The following GPC6 variants were observed in gnomAD, a reference collection of about 807,000 sequenced individuals.
GPC6 encodes the protein glypican 6.
Under a neutral mutation model 55.2 loss-of-function variants are expected in GPC6, and 14 were observed. The observed-to-expected ratio is 0.25, with a 90% CI of 0.17 to 0.40. The LOEUF (loss-of-function observed/expected upper bound fraction) is 0.40, where lower values mean the gene tolerates loss of function less well. GPC6 is among the 10% of genes least tolerant of loss of function. The pLI is 1.00. For synonymous variants in GPC6, 278 were observed against 259.6 expected (o/e 1.07, Z -0.68); for missense variants, 641 against 708.5 (o/e 0.90, Z 1.08).
chr13:94,150,815 T>TATATATATATATATATATATAC (rs1887712203), intron 4 of GPC6, among the ~76,000 whole-genome samples: 1 of 101,926 alleles, frequency 9.8e-6, no homozygotes, highest in East Asian at 3.0e-4. Flanking sequence ...AGATCAGCAG[T>TATATATATATATATATATATAC]ATATATATAT....
Position 93,972,746 on chromosome 13 carries a change from A to G in GPC6, c.712-54983A>G, listed in dbSNP as rs1880338080. On this transcript the variant is annotated intron_variant, in intron 3 of 8. Transcript: ENST00000377047. ...TGGAAATCTTGTGATGAGCCAAGAA[A>G]GGATAATAGGCCCCTTCACCCCAAT... 2.0e-5 allele frequency among the ~76,000 whole-genome samples: 3 copies of G among 152,214 alleles called. No individual in the cohort carries two copies. The South Asian group carries it at 6.2e-4, about 32-fold the overall frequency.
chr13:93,426,959 G>A (rs987135270), intron 1 of GPC6, among the ~76,000 whole-genome samples: 2 of 149,642 alleles, frequency 1.3e-5, no homozygotes, highest in African/African-American at 5.0e-5. Context: ...ATCTCATTGT[G>A]GTTTTGATTT....
At chr13:93,686,348 TTAAAA>T (rs1269161440) in intron 2 of GPC6, among the ~76,000 whole-genome samples, 1 of 152,140 alleles carries the variant, frequency 6.6e-6, no homozygotes, top group African/African-American at 2.4e-5. Flanking sequence ...ATTTTAAATG[TTAAAA>T]TAAATGTGTA....
intron 3 of GPC6, among the ~76,000 whole-genome samples, chr13:93,867,601 T>C (rs1397292766): frequency 1.3e-5 from 2 of 151,782 alleles, no homozygotes; most frequent in Non-Finnish European, 2.9e-5. Flanking sequence ...CGGAAACCCT[T>C]GTCAACATGC....
At chr13:94,214,759 T>C (rs1236560567) in intron 4 of GPC6, among the ~76,000 whole-genome samples, 2 of 152,196 alleles carry the variant, frequency 1.3e-5, no homozygotes, top group Non-Finnish European at 2.9e-5. Context: ...AGGGCATCAG[T>C]GTGTGAGAAT....
intron 4 of GPC6, among the ~76,000 whole-genome samples, chr13:94,285,443 T>C (rs1385054129): frequency 1.3e-5 from 2 of 152,206 alleles, no homozygotes; most frequent in Non-Finnish European, 2.9e-5. Context: ...CCTCACTTTA[T>C]GGTACAAATC....
Position 93,930,275 on chromosome 13 carries a change from G to GTTTTTTTTTTTTTTTTTTTTTTTTT in GPC6, c.712-97441_712-97440insTTTTTTTTTTTTTTTTTTTTTTTTT, listed in dbSNP as rs35858695. ...TTTTAAAGGTTATTGGAAACGAAAGGTTTTTTTTTTTTTGTAGACAGAGTC... is the reference window on the plus strand; with the variant it reads ...TTTTAAAGGTTATTGGAAACGAAAGGTTTTTTTTTTTTTTTTTTTTTTTTTTTTTTTTTTTTTTGTAGACAGAGTC... On this transcript the variant is annotated intron_variant, in intron 3 of 8. Coordinates refer to ENST00000377047, the MANE Select transcript of GPC6 (RefSeq NM_005708.5). Among the ~76,000 whole-genome samples the GTTTTTTTTTTTTTTTTTTTTTTTTT allele has an allele frequency of 1.5e-3, 183 of 123,808 alleles. 13 individuals are homozygous for GTTTTTTTTTTTTTTTTTTTTTTTTT. The highest frequency in any genetic ancestry group is 5.7e-3 in the African/African-American group (178 of 31,266). 81.2% of individuals were successfully genotyped at this position (123,808 alleles called of 152,430 possible).
At chr13:94,084,949 G>A (rs1231606721) in intron 4 of GPC6, among the ~76,000 whole-genome samples, 1 of 152,004 alleles carries the variant, frequency 6.6e-6, no homozygotes, top group African/African-American at 2.4e-5. Flanking sequence ...GAGAGTTTAT[G>A]TCAAAAGTAA....
At chr13:93,366,024 A>G (rs1377279916) in intron 1 of GPC6, among the ~76,000 whole-genome samples, 2 of 152,106 alleles carry the variant, frequency 1.3e-5, no homozygotes, top group Admixed American at 6.6e-5. Context: ...ACAAGCATCA[A>G]AACAATCCAA....
intron 4 of GPC6, among the ~76,000 whole-genome samples, chr13:94,115,100 A>C (rs2138845375): frequency 6.6e-6 from 1 of 152,302 alleles, no homozygotes; most frequent in Admixed American, 6.5e-5. Context: ...AACTGAGAAA[A>C]TAGAAAGTGT....
At chr13:93,847,245 T>G (rs766760111) in intron 3 of GPC6, among the ~76,000 whole-genome samples, 5 of 152,024 alleles carry the variant, frequency 3.3e-5, no homozygotes, top group Non-Finnish European at 4.4e-5. Context: ...TCTGGGGAAG[T>G]GGAGGAGACG....
In GPC6 at chr13:94,207,114, A is replaced by G. The variant is rs965186519; in HGVS notation, c.878-79235A>G. Among the ~76,000 whole-genome samples the G allele has an allele frequency of 3.3e-5, 5 of 152,100 alleles. No homozygotes were observed. The East Asian group carries it at 9.7e-4, about 29-fold the overall frequency. ...CCCTATCTTGTCCATTCTTCCCCAG[A>G]AAACCACAATACAGGCTTTTCCAGG... is the stretch of plus-strand genomic sequence containing the variant. On this transcript the variant is annotated intron_variant, in intron 4 of 8. Coordinates refer to ENST00000377047, the MANE Select transcript of GPC6 (RefSeq NM_005708.5).
chr13:93,533,015 A>G (rs549426445), intron 1 of GPC6, among the ~76,000 whole-genome samples: 1 of 152,334 alleles, frequency 6.6e-6, no homozygotes, highest in East Asian at 1.9e-4. Flanking sequence ...TGAATTTCCT[A>G]AAACCTGTGT....
intron 4 of GPC6, among the ~76,000 whole-genome samples, chr13:94,184,952 TATGCAACC>T (rs956965885): frequency 6.6e-6 from 1 of 152,162 alleles, no homozygotes; most frequent in Non-Finnish European, 1.5e-5. Flanking sequence ...CATGAAATAT[TATGCAACC>T]ATAAAAAAGA....
chr13:94,289,945 T>C (rs536484356), intron 5 of GPC6, among the ~76,000 whole-genome samples: 16 of 152,192 alleles, frequency 1.1e-4, no homozygotes, highest in Non-Finnish European at 1.8e-4. Flanking sequence ...CATGACCACT[T>C]TGAGTTGTCT....
intron 4 of GPC6, among the ~76,000 whole-genome samples, chr13:94,225,991 A>G (rs1206482741): frequency 1.3e-5 from 2 of 151,956 alleles, no homozygotes; most frequent in Non-Finnish European, 2.9e-5. Context: ...CTTTTAATTT[A>G]TATTCAGATT....
chr13:93,804,617 A>C (rs1886486570), intron 2 of GPC6, among the ~76,000 whole-genome samples: 1 of 152,192 alleles, frequency 6.6e-6, no homozygotes, highest in Admixed American at 6.5e-5. Flanking sequence ...ACTCCAAGGT[A>C]GTTACCTCCT....
intron 1 of GPC6, among the ~76,000 whole-genome samples, chr13:93,239,507 G>A (rs1414453592): frequency 6.6e-6 from 1 of 151,602 alleles, no homozygotes; most frequent in Non-Finnish European, 1.5e-5. Flanking sequence ...TTCTGATTGA[G>A]CTTATTTGAA....
At chr13:93,229,006 G>A (rs1178575063) in intron 1 of GPC6, among the ~76,000 whole-genome samples, 1 of 152,180 alleles carries the variant, frequency 6.6e-6, no homozygotes, top group African/African-American at 2.4e-5. Flanking sequence ...TATAGAAGGA[G>A]CTTTTTCAGT....
Sources: gnomAD v4.1 joint callset for allele counts (sites outside exome capture counted in the v4.1 genomes callset) on GRCh38, gnomAD v4.1.1 for gene constraint, MANE v1.5 for transcripts, NCBI Gene and HGNC (gene_info 2026-07-23, HGNC 2026-07-21) for gene names.